Variants in ZNF143 observed in about 807,000 individuals in gnomAD.
The protein encoded by ZNF143 is zinc finger protein 143.
A neutral mutation model predicts 74.1 loss-of-function variants in ZNF143; 49 were observed. The observed-to-expected ratio is 0.66, with a 90% CI of 0.53 to 0.84. The LOEUF (loss-of-function observed/expected upper bound fraction) is 0.84, where lower values mean the gene tolerates loss of function less well. Among genes scored for constraint, ZNF143 ranks in the 40% least tolerant of loss-of-function variants. The probability of loss-of-function intolerance (pLI) is 0.00; values close to 1 mark genes in which losing one functional copy is unlikely to be tolerated. For missense variants in ZNF143, 637 were observed against 793.4 expected, an observed-to-expected ratio of 0.80 and a Z score of 2.37; for synonymous variants, 304 against 282.8, an observed-to-expected ratio of 1.07 and a Z score of -0.75.
At chr11:9,491,878 C>T (rs1181957909) in intron 7 of ZNF143, among the ~76,000 whole-genome samples, 1 of 152,176 alleles carries the variant, frequency 6.6e-6, no homozygotes, top group East Asian at 1.9e-4. Context: ...GATCTGCCTT[C>T]CTTGGCCTCC....
chr11:9,494,665 C>G lies in ZNF143; in HGVS notation c.665C>G (p.Ala222Gly), dbSNP rs149488984. ...ATTTAGATTGTTTTACAAGGACATGCTACAAGAGTAACTGCTAAATCTCAA... is the reference window on the plus strand; with the variant it reads ...ATTTAGATTGTTTTACAAGGACATGGTACAAGAGTAACTGCTAAATCTCAA... ...KKMQIVLQGH[A>G]TRVTAKSQQS... The change falls in exon 8 of 16, where the codon GCT (alanine) becomes GGT (glycine). Residue 222 changes from alanine to glycine, a missense_variant. Ala to Gly is a moderately conservative substitution (Grantham distance 60). This residue lies in a region of ZNF143 where 293 missense variants were observed against 307.8 expected (regional missense o/e 0.95). Transcript: ENST00000396602. The G allele has an allele frequency of 1.1e-5, 18 of 1,613,710 alleles. No individual in the cohort carries two copies. The highest frequency in any genetic ancestry group is 1.4e-5 in the Non-Finnish European group (16 of 1,179,806).
chr11:9,477,119 C>CTTCA (rs1856956500), intron 5 of ZNF143, among the ~76,000 whole-genome samples: 1 of 72,412 alleles, frequency 1.4e-5, no homozygotes, highest in South Asian at 4.9e-4. Context: ...GCACCCCTTC[C>CTTCA]TTCCTTCCTT....
At chr11:9,490,644 T>C (rs969162981) in intron 7 of ZNF143, among the ~76,000 whole-genome samples, 1 of 151,374 alleles carries the variant, frequency 6.6e-6, no homozygotes, top group Admixed American at 6.6e-5. Flanking sequence ...GTGTTGCTGT[T>C]ATAATACATG....
chr11:9,498,829 A>G (rs1325164993), intron 10 of ZNF143, among the ~76,000 whole-genome samples: 1 of 152,236 alleles, frequency 6.6e-6, no homozygotes, highest in East Asian at 1.9e-4. Context: ...GAAATAGTTT[A>G]GCTAATTTCC....
chr11:9,492,441 G>A (rs1847817847), intron 7 of ZNF143, among the ~76,000 whole-genome samples: 1 of 151,572 alleles, frequency 6.6e-6, no homozygotes, highest in African/African-American at 2.4e-5. Context: ...TAGAGACAGG[G>A]TTTCACTGTG....
At chr11:9,471,251 C>G (rs1162122739) in intron 1 of ZNF143, 51 bp from the exon 2 acceptor site, 2 of 1,428,656 alleles carry the variant, frequency 1.4e-6, no homozygotes, top group South Asian at 1.3e-5. Flanking sequence ...TTGTAACTTT[C>G]ATTTCACATG....
At position 9,484,799 on chromosome 11, in the gene ZNF143, G is replaced by GTTTTTTTTTTTTT. The variant is rs1316309780; in HGVS notation, c.645+5253_645+5254insTTTTTTTTTTTTT. Among the ~76,000 whole-genome samples, 152 of 24,154 alleles carry GTTTTTTTTTTTTT rather than the reference G, an allele frequency of 6.3e-3. 9 individuals carry two copies. Among genetic ancestry groups the GTTTTTTTTTTTTT allele is most frequent in the African/African-American group, 7.7e-3 (40 of 5,162 alleles). 15.8% of individuals were successfully genotyped at this position (24,154 alleles called of 152,430 possible). ...GCGTGAGCCACCGCACCTGGCCAAA[G>GTTTTTTTTTTTTT]ATTTTTTTTTTTTTTTGAGACGGAG... On this transcript the variant is annotated intron_variant, in intron 7 of 15. Transcript: ENST00000396602.
intron 14 of ZNF143, among the ~76,000 whole-genome samples, chr11:9,524,008 A>G (rs1366900411): frequency 6.2e-5 from 9 of 145,900 alleles, no homozygotes; most frequent in Non-Finnish European, 1.3e-4. Context: ...AGATCAAGCC[A>G]TTGCATTCCA....
chr11:9,501,922 ATT>A (rs1319830722), intron 11 of ZNF143, among the ~76,000 whole-genome samples: 1 of 62,366 alleles, frequency 1.6e-5, no homozygotes, highest in African/African-American at 6.2e-5. Context: ...CTATGGATAT[ATT>A]CTTTTTTTTT....
At chr11:9,517,092 T>C (rs1848751065) in intron 14 of ZNF143, among the ~76,000 whole-genome samples, 1 of 152,062 alleles carries the variant, frequency 6.6e-6, no homozygotes. Context: ...TTTTTATTTT[T>C]TATTTTTATT....
chr11:9,498,274 G>T (rs777957170), intron 10 of ZNF143, among the ~76,000 whole-genome samples: 1 of 152,164 alleles, frequency 6.6e-6, no homozygotes, highest in Non-Finnish European at 1.5e-5. Flanking sequence ...TCAGGGTGAG[G>T]GCTCATAGCT....
intron 7 of ZNF143, among the ~76,000 whole-genome samples, chr11:9,481,736 G>T (rs1264971801): frequency 2.0e-5 from 3 of 151,372 alleles, no homozygotes; most frequent in Non-Finnish European, 2.9e-5. Flanking sequence ...AAAAATACAA[G>T]AATTAGTTGG....
intron 1 of ZNF143, among the ~76,000 whole-genome samples, chr11:9,462,861 G>A (rs1454246920): frequency 6.6e-6 from 1 of 152,074 alleles, no homozygotes; most frequent in African/African-American, 2.4e-5. Context: ...GGCAACAAGA[G>A]CGAAACTCCG....
intron 9 of ZNF143, 39 bp from the exon 10 acceptor site, chr11:9,497,636 G>A (rs781739763): frequency 6.7e-7 from 1 of 1,503,130 alleles, no homozygotes; most frequent in South Asian, 1.2e-5. Flanking sequence ...GTTTAGAGCA[G>A]TATTGTGTAA....
chr11:9,517,745 G>C (rs1848773874), intron 14 of ZNF143, among the ~76,000 whole-genome samples: 1 of 152,066 alleles, frequency 6.6e-6, no homozygotes, highest in Non-Finnish European at 1.5e-5. Context: ...TGAAGTTGGT[G>C]GTCTCATACA....
chr11:9,490,604 C>T (rs1589897825), intron 7 of ZNF143, among the ~76,000 whole-genome samples: 1 of 151,748 alleles, frequency 6.6e-6, no homozygotes, highest in East Asian at 1.9e-4. Flanking sequence ...TTGTTCTTCA[C>T]TATGGTATCC....
intron 7 of ZNF143, among the ~76,000 whole-genome samples, chr11:9,490,039 C>CT (rs755807626): frequency 3.3e-5 from 5 of 151,856 alleles, no homozygotes; most frequent in Non-Finnish European, 7.4e-5. Flanking sequence ...TAAAAACAAG[C>CT]TGAGTGTGGT....
In ZNF143 at chr11:9,512,494, A is replaced by G; in HGVS notation, c.1422A>G (p.Thr474=). 1 of 1,614,250 alleles carries G rather than the reference A, an allele frequency of 6.2e-7. No homozygotes were observed. The highest frequency in any genetic ancestry group is 8.5e-7 in the Non-Finnish European group (1 of 1,180,040). Reference sequence around the variant, plus strand: ...AAGGGTCCCAGATTACGTATGTTACAGGTGTAGAAGGGGACGACGTTGTTT... The same window carrying G: ...AAGGGTCCCAGATTACGTATGTTACGGGTGTAGAAGGGGACGACGTTGTTT... ...VLKGSQITYV[T]GVEGDDVVST... Residue 474 remains threonine (T), a synonymous_variant, in exon 13 of 16, where the codon ACA becomes ACG. Transcript: ENST00000396602.
At position 9,516,340 on chromosome 11, in the gene ZNF143, C is replaced by T; in HGVS notation, c.1664C>T (p.Ala555Val). The T allele has an allele frequency of 6.2e-7, 1 of 1,613,448 alleles. No individual in the cohort carries two copies. The highest frequency in any genetic ancestry group is 8.5e-7 in the Non-Finnish European group (1 of 1,179,676). Residue 555 changes from alanine (A) to valine (V), a missense_variant, in exon 14 of 16, where the codon GCT becomes GTT. By Grantham distance (64) the Ala-to-Val change is moderately conservative. Coordinates refer to ENST00000396602, the MANE Select transcript of ZNF143 (RefSeq NM_003442.6). The part of the protein sequence containing the change: ...AGTHSVAMVT[A>V]EGTEGEQVAI... ...ACGCACTCTGTTGCTATGGTTACTGCTGAGGGTACAGAAGGGGAACAGGTA... is the reference window on the plus strand; with the variant it reads ...ACGCACTCTGTTGCTATGGTTACTGTTGAGGGTACAGAAGGGGAACAGGTA...
Sources: allele counts gnomAD v4.1 joint callset (sites outside exome capture counted in the v4.1 genomes callset), GRCh38; gene constraint gnomAD v4.1.1; regional missense constraint gnomAD v4.1.1; transcripts MANE v1.5; gene names NCBI Gene and HGNC (gene_info 2026-07-23, HGNC 2026-07-21).